PCNX2: variants seen among roughly 807,000 people sequenced by gnomAD.
The protein encoded by PCNX2 is pecanex-like protein 2.
PCNX2 carries 168 observed loss-of-function variants against 223.8 expected under a neutral mutation model. The observed-to-expected ratio is 0.75, with a 90% CI of 0.66 to 0.85. The LOEUF is 0.85. PCNX2 is among the 40% of genes least tolerant of loss of function. The probability of loss-of-function intolerance (pLI) is 0.00; values close to 1 mark genes in which losing one functional copy is unlikely to be tolerated. For synonymous variants in PCNX2, 1,006 were observed against 1,052.6 expected, an observed-to-expected ratio of 0.96 and a Z score of 0.86; for missense variants, 2,507 against 2,675.5, an observed-to-expected ratio of 0.94 and a Z score of 1.39.
intron 1 of PCNX2, among the ~76,000 whole-genome samples, chr1:233,271,308 C>T (rs1572183353): frequency 6.6e-6 from 1 of 152,130 alleles, no homozygotes; most frequent in East Asian, 1.9e-4. Flanking sequence ...CATACATGAT[C>T]AACACCATAT....
chr1:233,309,214 A>C, the PCNX2 span, among the ~76,000 whole-genome samples: 94 of 152,356 alleles, frequency 6.2e-4, no homozygotes, highest in South Asian at 0.015. Flanking sequence ...GTCCATGATC[A>C]AAAGAAAAGA....
upstream of PCNX2, among the ~76,000 whole-genome samples, chr1:233,299,076 G>T (rs1468032445): frequency 6.6e-6 from 1 of 152,056 alleles, no homozygotes; most frequent in African/African-American, 2.4e-5. Flanking sequence ...CCCTCAGCAT[G>T]TTCAAATGTG....
At chr1:233,238,028 C>A (rs919569613) in intron 8 of PCNX2, among the ~76,000 whole-genome samples, 1 of 152,210 alleles carries the variant, frequency 6.6e-6, no homozygotes, top group Non-Finnish European at 1.5e-5. Context: ...ATACTGCTAT[C>A]GTGATGGACA....
chr1:233,136,159 C>T (rs542421097), intron 20 of PCNX2, among the ~76,000 whole-genome samples: 1 of 152,320 alleles, frequency 6.6e-6, no homozygotes, highest in Admixed American at 6.5e-5. Context: ...ACATTTTCAC[C>T]AGACTCCCTC....
chr1:233,015,467 G>T (rs1301642595), intron 27 of PCNX2, among the ~76,000 whole-genome samples: 2 of 152,142 alleles, frequency 1.3e-5, no homozygotes, highest in East Asian at 3.9e-4. Flanking sequence ...GGGAGGCCGA[G>T]GCGGACAGAT....
rs61421278 is a variant in PCNX2 at position 233,130,624 on chromosome 1, A to G, written c.3837+4389T>C. ...CTCAGCCTCCTGAGTAGCTGGGAGT[A>G]CAGGTGCCCGCCACTGTGCCCGGCT... is the stretch of plus-strand genomic sequence containing the variant. On this transcript the variant is annotated intron_variant, in intron 21 of 33. Transcript: ENST00000258229. 4.6e-3 allele frequency among the ~76,000 whole-genome samples: 703 copies of G among 151,980 alleles called. 1 individual carries two copies. The highest frequency in any genetic ancestry group is 0.015 in the African/African-American group (631 of 41,428).
intron 1 of PCNX2, among the ~76,000 whole-genome samples, chr1:233,282,915 T>C (rs761266351): frequency 3.9e-5 from 6 of 152,066 alleles, no homozygotes; most frequent in Non-Finnish European, 5.9e-5. Context: ...ATATATCAAA[T>C]GATAGCATAA....
chr1:233,175,162 GGA>G (rs1679408628), intron 17 of PCNX2, among the ~76,000 whole-genome samples: 1 of 152,118 alleles, frequency 6.6e-6, no homozygotes, highest in African/African-American at 2.4e-5. Context: ...AGAGACAATG[GGA>G]GGGGGGTTTA....
rs760482583 is a variant in PCNX2 at position 232,986,494 on chromosome 1, T to C, written c.5838A>G (p.Leu1946=). ...AGCTCAGCATGGGCGGCCTTTGGCTTAGCGCTGAGTGTGCCTGCACGGACT... is the reference window on the plus strand; with the variant it reads ...AGCTCAGCATGGGCGGCCTTTGGCTCAGCGCTGAGTGTGCCTGCACGGACT... The part of the protein sequence containing the change: ...RSQSVQAHSA[L]SQRPPMLSSS... The change falls in exon 33 of 34, where the codon CTA becomes CTG. Residue 1946 remains leucine, a synonymous_variant. Coordinates refer to ENST00000258229, the MANE Select transcript of PCNX2 (RefSeq NM_014801.4). The C allele has an allele frequency of 2.5e-6, 4 of 1,582,326 alleles. No individual in the cohort carries two copies. The highest frequency in any genetic ancestry group is 3.4e-6 in the Non-Finnish European group (4 of 1,162,562).
chr1:233,198,107 C>T (rs148525711), intron 15 of PCNX2, among the ~76,000 whole-genome samples: 2 of 152,322 alleles, frequency 1.3e-5, no homozygotes, highest in East Asian at 3.9e-4. Context: ...ACACAAACCC[C>T]TGCCCTAATT....
the PCNX2 span, among the ~76,000 whole-genome samples, chr1:233,327,021 G>A: frequency 1.3e-5 from 2 of 152,114 alleles, no homozygotes; most frequent in Non-Finnish European, 2.9e-5. Context: ...GAGATGCACG[G>A]TGGCTCAAAC....
At chr1:233,017,516 C>T (rs779304331) in intron 26 of PCNX2, among the ~76,000 whole-genome samples, 1 of 152,030 alleles carries the variant, frequency 6.6e-6, no homozygotes, top group Non-Finnish European at 1.5e-5. Flanking sequence ...CGGGGTTTCA[C>T]CATGTTAGCC....
chr1:233,036,659 G>A (rs754052429), intron 25 of PCNX2, among the ~76,000 whole-genome samples: 10 of 151,706 alleles, frequency 6.6e-5, no homozygotes, highest in Non-Finnish European at 1.5e-4. Context: ...ATTTCAAGGA[G>A]CCTCCTTTTT....
At chr1:233,034,485 C>CT (rs1404602370) in intron 25 of PCNX2, among the ~76,000 whole-genome samples, 1 of 152,184 alleles carries the variant, frequency 6.6e-6, no homozygotes, top group Non-Finnish European at 1.5e-5. Context: ...GCCGCCCAGT[C>CT]TATGGTATAG....
In PCNX2 at chr1:233,001,627, T is replaced by G. The variant is rs1350428308; in HGVS notation, c.5007A>C (p.Ile1669=). ...CAAATACCCACTCGTCACGTGCTGT[T>G]ATTCTGAAGTCACCTTTGAAGAGGA... ...LHVLFKGDFR[I]TARDEWVFAD... is the part of the protein sequence containing the mutation. The change falls in exon 29 of 34, where the codon ATA becomes ATC. Residue 1669 remains isoleucine (I), a synonymous_variant. Coordinates refer to ENST00000258229, the MANE Select transcript of PCNX2 (RefSeq NM_014801.4). This position sits in a 1 kb window ranked among gnomAD's most constrained non-coding sequence, Gnocchi z 4.2. 6.3e-7 allele frequency: 1 copy of G among 1,593,026 alleles called. No homozygotes were observed. Among genetic ancestry groups the G allele is most frequent in the Non-Finnish European group, 8.6e-7 (1 of 1,168,082 alleles).
intron 9 of PCNX2, among the ~76,000 whole-genome samples, chr1:233,228,184 T>C (rs1337667477): frequency 1.3e-5 from 2 of 152,130 alleles, no homozygotes; most frequent in Non-Finnish European, 2.9e-5. Flanking sequence ...CACCTGTGTT[T>C]TGTTTCCCGT....
intron 26 of PCNX2, among the ~76,000 whole-genome samples, chr1:233,017,384 C>T (rs942301524): frequency 1.3e-4 from 17 of 135,776 alleles, no homozygotes; most frequent in African/African-American, 4.8e-4. Context: ...GCGGTGCGAT[C>T]TCGGCTCACT....
chr1:233,208,045 TC>T (rs1276962711), intron 13 of PCNX2, among the ~76,000 whole-genome samples: 3 of 149,688 alleles, frequency 2.0e-5, no homozygotes, highest in Non-Finnish European at 4.4e-5. Context: ...AACCTCTGCC[TC>T]CCGGGTTCAA....
At chr1:233,035,104 T>C (rs1413573163) in intron 25 of PCNX2, among the ~76,000 whole-genome samples, 2 of 152,174 alleles carry the variant, frequency 1.3e-5, no homozygotes, top group Non-Finnish European at 2.9e-5. Context: ...ATAATGGGAC[T>C]TCAAAGGGAC....
Sources: allele counts gnomAD v4.1 joint callset (sites outside exome capture counted in the v4.1 genomes callset), GRCh38; gene constraint gnomAD v4.1.1; non-coding constraint Gnocchi (gnomAD v3.1); transcripts MANE v1.5; gene names NCBI Gene and HGNC (gene_info 2026-07-23, HGNC 2026-07-21).